The following ABCB11 variants were observed in gnomAD, a reference collection of about 807,000 sequenced individuals.
The protein encoded by ABCB11 is ATP binding cassette subfamily B member 11, also known as bile salt export pump.
ABCB11 carries 95 observed loss-of-function variants against 148.0 expected under a neutral mutation model. The ratio of observed to expected loss-of-function variants is 0.64; its 90% CI spans 0.54 to 0.76. The LOEUF is 0.76. Ranked by LOEUF, ABCB11 falls within the 30% of genes least tolerant of loss-of-function variation. The probability of loss-of-function intolerance (pLI) is 0.00; values close to 1 mark genes in which losing one functional copy is unlikely to be tolerated. For synonymous variants in ABCB11, 591 were observed against 555.4 expected, an observed-to-expected ratio of 1.06 and a Z score of -0.90; for missense variants, 1,523 against 1,617.8, an observed-to-expected ratio of 0.94 and a Z score of 1.01.
downstream of ABCB11, among the ~76,000 whole-genome samples, chr2:168,916,044 A>T (rs1690935498): frequency 6.6e-6 from 1 of 152,234 alleles, no homozygotes; most frequent in Non-Finnish European, 1.5e-5. Flanking sequence ...ATGCTTTATG[A>T]ACATTATCAG....
chr2:168,990,757 T>C, intron 9 of ABCB11, 44 bp downstream of exon 9: 1 of 1,609,230 alleles, frequency 6.2e-7, no homozygotes, highest in South Asian at 1.1e-5. Flanking sequence ...GGTACTATGC[T>C]GATTGATGAA....
chr2:168,976,473 C>G (rs761872970), intron 12 of ABCB11, 104 bp downstream of exon 12: 6 of 641,268 alleles, frequency 9.4e-6, no homozygotes, highest in South Asian at 2.6e-5. Context: ...TTCCCTATTA[C>G]TGGAAACAGA....
At chr2:168,920,043 TTTG>T (rs1182427787), downstream of ABCB11, among the ~76,000 whole-genome samples, 6 of 152,158 alleles carry the variant, frequency 3.9e-5, no homozygotes, top group African/African-American at 1.4e-4. Flanking sequence ...CTTTTCTTTT[TTTG>T]TTAGAAATGG....
intron 1 of ABCB11, among the ~76,000 whole-genome samples, chr2:169,020,063 A>T (rs151250003): frequency 2.0e-5 from 3 of 152,218 alleles, no homozygotes; most frequent in African/African-American, 7.2e-5. Context: ...GATACCAAGT[A>T]TAACCTTTTA....
At chr2:168,963,364 C>A (rs1354144382) in intron 18 of ABCB11, among the ~76,000 whole-genome samples, 1 of 151,720 alleles carries the variant, frequency 6.6e-6, no homozygotes, top group Admixed American at 6.6e-5. Flanking sequence ...GATAAGTCAA[C>A]ATGACTTTGA....
intron 4 of ABCB11, 91 bp downstream of exon 4, chr2:169,014,212 G>T: frequency 7.7e-7 from 1 of 1,297,466 alleles, no homozygotes; most frequent in Non-Finnish European, 1.1e-6. Flanking sequence ...TTAAAAACCT[G>T]CCAATATGAC....
At chr2:168,997,666 T>A (rs1407798848) in intron 5 of ABCB11, among the ~76,000 whole-genome samples, 1 of 152,002 alleles carries the variant, frequency 6.6e-6, no homozygotes, top group East Asian at 1.9e-4. Flanking sequence ...CCTACATCCT[T>A]TCCGCTCTCT....
chr2:168,968,495 TCAACA>T lies in ABCB11; in HGVS notation c.2012-10_2012-6del. On this transcript the variant is annotated splice_polypyrimidine_tract_variant and splice_region_variant and intron_variant, in intron 16 of 27. Coordinates refer to ENST00000650372, the MANE Select transcript of ABCB11 (RefSeq NM_003742.4). The stretch of plus-strand genomic sequence containing the variant: ...GCATGTCATCTTCAGTTGCATCTAC[TCAACA>T]CAGCATGAGCAATTTTTTAGTATAT... 4 of 1,609,608 alleles carry T rather than the reference TCAACA, an allele frequency of 2.5e-6. No homozygotes were observed. Among genetic ancestry groups the T allele is most frequent in the Non-Finnish European group, 3.4e-6 (4 of 1,177,404 alleles).
chr2:168,992,326 T>C (rs1694555755), intron 8 of ABCB11, among the ~76,000 whole-genome samples: 2 of 152,070 alleles, frequency 1.3e-5, no homozygotes, highest in Admixed American at 1.3e-4. Context: ...TATGTTAACC[T>C]CCAACATGTT....
At position 168,950,163 on chromosome 2, in the gene ABCB11, AC is replaced by A. The variant is rs1459220449; in HGVS notation, c.2344-5203del. 9.9e-5 allele frequency among the ~76,000 whole-genome samples: 15 copies of A among 151,148 alleles called. No individual in the cohort carries two copies. The East Asian group carries it at 2.4e-3, about 24-fold the overall frequency. On this transcript the variant is annotated intron_variant, in intron 19 of 27. Coordinates refer to ENST00000650372, the MANE Select transcript of ABCB11 (RefSeq NM_003742.4). ...TATACACACACACACACACACACAC[AC>A]ACACAAAATAGGATATATATCCTAT...
At chr2:169,006,400 A>G (rs73020790) in intron 5 of ABCB11, among the ~76,000 whole-genome samples, 3,618 of 152,240 alleles carry the variant, frequency 0.024, 69 homozygotes, top group African/African-American at 0.041. Flanking sequence ...TCAACATAAT[A>G]AAGGACACTT....
rs139250976 is a variant in ABCB11, at chr2:169,003,323, C to CGTGTGT, written c.390-6607_390-6602dup. ...TATGGCTGAGTAGTATTCCATGGTG[C>CGTGTGT]GTGTGTGTGTGTGTGTGTGTGTGTG... On this transcript the variant is annotated intron_variant, in intron 5 of 27. Transcript: ENST00000650372. Among the ~76,000 whole-genome samples the CGTGTGT allele has an allele frequency of 0.013, 1,819 of 141,648 alleles. 111 individuals carry two copies. In the East Asian group the frequency reaches 0.23, roughly 18 times the overall value. The allele number at this position is 141,648 out of a possible 152,430, so 92.9% of individuals were successfully genotyped here. A position where few individuals can be genotyped will look rare whatever the true frequency, so the allele number is the denominator to read the frequency against.
At chr2:168,918,482 C>T (rs1164682722), downstream of ABCB11, among the ~76,000 whole-genome samples, 5 of 152,144 alleles carry the variant, frequency 3.3e-5, no homozygotes, top group Non-Finnish European at 5.9e-5. Context: ...CAGATGCATG[C>T]ATGTATGAGT....
intron 2 of ABCB11, 79 bp downstream of exon 2, chr2:169,017,971 T>C (rs751487565): frequency 7.9e-7 from 1 of 1,265,386 alleles, no homozygotes; most frequent in Non-Finnish European, 1.2e-6. Context: ...TTTCTGCTCC[T>C]TGAAACTTGA....
At position 169,014,373 on chromosome 2, in the gene ABCB11, G is replaced by A. The variant is rs781386835; in HGVS notation, c.99-19C>T. 1 of 1,610,242 alleles carries A rather than the reference G, an allele frequency of 6.2e-7. No individual in the cohort carries two copies. Among genetic ancestry groups the A allele is most frequent in the South Asian group, 1.1e-5 (1 of 90,868 alleles). Reference sequence around the variant, plus strand: ...TTGTAACCTGATGAGAAAAACATAAGGATTTAAAGACCACCCTTTCCAATA... The same window carrying A: ...TTGTAACCTGATGAGAAAAACATAAAGATTTAAAGACCACCCTTTCCAATA... On this transcript the variant is annotated intron_variant, in intron 3 of 27. Coordinates refer to ENST00000650372, the MANE Select transcript of ABCB11 (RefSeq NM_003742.4).
At position 168,973,816 on chromosome 2, in the gene ABCB11, T is replaced by A. The variant is rs1289740265; in HGVS notation, c.1333A>T (p.Ile445Phe). 2 of 1,612,112 alleles carry A rather than the reference T, an allele frequency of 1.2e-6. No homozygotes were observed. Among genetic ancestry groups the A allele is most frequent in the Admixed American group, 1.7e-5 (1 of 59,890 alleles). The stretch of plus-strand genomic sequence containing the variant: ...AGAGCTGTCATTTCCCCTGGTTTAA[T>A]GACCATGTTGAGGTCATTTAGAATC... The part of the protein sequence containing the change: ...VKILNDLNMV[I>F]KPGEMTALVG... Residue 445 changes from isoleucine to phenylalanine, a missense_variant, in exon 13 of 28, where the codon ATT (isoleucine) becomes TTT (phenylalanine). By Grantham distance (21) the Ile-to-Phe change is conservative. Transcript: ENST00000650372.
chr2:168,966,874 G>A (rs534066439), intron 17 of ABCB11, among the ~76,000 whole-genome samples: 8 of 149,956 alleles, frequency 5.3e-5, no homozygotes, highest in Admixed American at 2.7e-4. Context: ...CGTATTTCTG[G>A]ATTTCTCATC....
At chr2:168,987,503 G>A (rs112751309) in intron 9 of ABCB11, among the ~76,000 whole-genome samples, 4,613 of 152,134 alleles carry the variant, frequency 0.03, 108 homozygotes, top group African/African-American at 0.063. Flanking sequence ...ATCACAGCTC[G>A]CTGTAACCTC....
intron 6 of ABCB11, among the ~76,000 whole-genome samples, chr2:168,995,975 T>TAAAAAAAAAA (rs3083997): frequency 1.6e-5 from 1 of 63,028 alleles, no homozygotes; most frequent in Non-Finnish European, 2.8e-5. Context: ...TTTCCCTAAC[T>TAAAAAAAAAA]AAAAAAAAAA....
Sources: allele counts gnomAD v4.1 joint callset (sites outside exome capture counted in the v4.1 genomes callset), GRCh38; gene constraint gnomAD v4.1.1; transcripts MANE v1.5; gene names NCBI Gene and HGNC (gene_info 2026-07-23, HGNC 2026-07-21).